GAD1: variants seen among roughly 807,000 people sequenced by gnomAD.
GAD1 encodes 67 kDa glutamic acid decarboxylase.
A neutral mutation model predicts 75.2 loss-of-function variants in GAD1; 35 were observed. The ratio of observed to expected loss-of-function variants is 0.47; its 90% CI spans 0.36 to 0.62. GAD1 has a LOEUF of 0.62. Among genes scored for constraint, GAD1 ranks in the 20% least tolerant of loss-of-function variants. The pLI, the probability that GAD1 is intolerant of heterozygous loss-of-function variation, is 0.00. For missense variants in GAD1, 490 were observed against 758.5 expected, an observed-to-expected ratio of 0.65 and a Z score of 4.16; for synonymous variants, 257 against 271.9, an observed-to-expected ratio of 0.95 and a Z score of 0.54.
At chr2:170,837,513 G>C (rs1702406367) in intron 6 of GAD1, among the ~76,000 whole-genome samples, 1 of 152,142 alleles carries the variant, frequency 6.6e-6, no homozygotes, top group Admixed American at 6.5e-5. Context: ...GTACTACCTG[G>C]GTAGTCTTAT....
At chr2:170,826,567 C>CAAAA (rs34462898) in intron 3 of GAD1, among the ~76,000 whole-genome samples, 5 of 110,840 alleles carry the variant, frequency 4.5e-5, no homozygotes, top group South Asian at 6.2e-4. Context: ...GACTCCGTCT[C>CAAAA]AAAAAAAAAA....
At chr2:170,814,505 A>G (rs1701662224), upstream of GAD1, among the ~76,000 whole-genome samples, 1 of 152,206 alleles carries the variant, frequency 6.6e-6, no homozygotes, top group Non-Finnish European at 1.5e-5. Flanking sequence ...AATCAAATTT[A>G]TGAAGTTTCT....
At chr2:170,828,373 G>T (rs1346484609) in intron 3 of GAD1, among the ~76,000 whole-genome samples, 2 of 117,276 alleles carry the variant, frequency 1.7e-5, no homozygotes, top group African/African-American at 6.9e-5. Context: ...CCTTCCCTCT[G>T]CTGTCCTCAC....
chr2:170,859,563 G>A (rs1460243176), intron 16 of GAD1, 146 bp from the exon 17 acceptor site: 1 of 815,098 alleles, frequency 1.2e-6, no homozygotes, highest in African/African-American at 1.7e-5. Context: ...TTTGATATTA[G>A]CCCCTGAAGA....
upstream of GAD1, among the ~76,000 whole-genome samples, chr2:170,814,971 G>A (rs1187570986): frequency 1.3e-5 from 2 of 152,166 alleles, no homozygotes; most frequent in South Asian, 2.1e-4. Context: ...GCGAGCGGGC[G>A]TCTATGCTGG....
upstream of GAD1, among the ~76,000 whole-genome samples, chr2:170,815,006 G>A (rs1426427850): frequency 6.6e-6 from 1 of 152,174 alleles, no homozygotes; most frequent in Non-Finnish European, 1.5e-5. Flanking sequence ...GGGGCACCGG[G>A]AGATGTGTTG....
At chr2:170,847,855 T>G (rs1387786850) in intron 11 of GAD1, 63 bp downstream of exon 11, 2 of 1,068,954 alleles carry the variant, frequency 1.9e-6, no homozygotes, top group Non-Finnish European at 2.9e-6. Flanking sequence ...TTTTATGACT[T>G]GCCTCAAGCT....
intron 4 of GAD1, among the ~76,000 whole-genome samples, chr2:170,830,487 G>A (rs928740567): frequency 3.3e-5 from 5 of 152,190 alleles, no homozygotes; most frequent in African/African-American, 4.8e-5. Context: ...GAAGGACACC[G>A]CCAAGGACCA....
At chr2:170,824,572 C>T (rs1701979651) in intron 3 of GAD1, among the ~76,000 whole-genome samples, 1 of 152,150 alleles carries the variant, frequency 6.6e-6, no homozygotes. Flanking sequence ...CTCTCAGAAG[C>T]ACCCTCAGTG....
intron 5 of GAD1, among the ~76,000 whole-genome samples, chr2:170,833,384 T>C (rs1702290983): frequency 6.6e-6 from 1 of 152,262 alleles, no homozygotes; most frequent in Admixed American, 6.5e-5. Context: ...TTATGTTGTT[T>C]GATTTTTAAA....
intron 14 of GAD1, among the ~76,000 whole-genome samples, chr2:170,855,122 A>C (rs1702824230): frequency 6.6e-6 from 1 of 151,576 alleles, no homozygotes; most frequent in Non-Finnish European, 1.5e-5. Flanking sequence ...AAACAACAAG[A>C]TTTTCTGGCA....
chr2:170,820,386 A>C (rs1701840403), intron 2 of GAD1, among the ~76,000 whole-genome samples: 1 of 152,230 alleles, frequency 6.6e-6, no homozygotes, highest in African/African-American at 2.4e-5. Flanking sequence ...GTAAAACAGC[A>C]AGCAGCACGT....
At chr2:170,852,505 G>T (rs529866166) in intron 12 of GAD1, 2 of 605,152 alleles carry the variant, frequency 3.3e-6, no homozygotes, top group East Asian at 2.8e-5. Context: ...GTTAGCTATT[G>T]TTAATAGCAG....
rs1271070745 is a variant in GAD1, at chr2:170,860,397, C to T, written c.*515C>T. On this transcript the variant is annotated 3_prime_UTR_variant, in exon 17 of 17. Coordinates refer to ENST00000358196, the MANE Select transcript of GAD1 (RefSeq NM_000817.3). ...CACCAAATGACAAGTCACACCCTCC[C>T]CATTAGTATCCTGTTAGGGGAAAAT... 6.2e-6 allele frequency: 1 copy of T among 161,976 alleles called. No individual in the cohort carries two copies. The allele number at this position is 161,976 out of a possible 1,614,324, so 10.0% of individuals were successfully genotyped here.
chr2:170,852,409 A>C, intron 12 of GAD1: 1 of 414,880 alleles, frequency 2.4e-6, no homozygotes, highest in Non-Finnish European at 4.5e-6. Context: ...GTTTGGCTCC[A>C]AAGCCTGAAT....
chr2:170,825,734 G>A lies in GAD1; in HGVS notation c.145+3585G>A, dbSNP rs139564852. 5.3e-5 allele frequency among the ~76,000 whole-genome samples: 8 copies of A among 152,298 alleles called. No homozygotes were observed. The East Asian group carries it at 5.8e-4, about 11-fold the overall frequency. ...GGAGTCATGATTTTTCTCCCCTTGC[G>A]GCTGGCCAGTGTGCTAGCACCCAAC... On this transcript the variant is annotated intron_variant, in intron 3 of 16. Transcript: ENST00000358196.
At chr2:170,832,889 CTCTG>C (rs1341299539) in intron 5 of GAD1, among the ~76,000 whole-genome samples, 1 of 152,194 alleles carries the variant, frequency 6.6e-6, no homozygotes, top group Non-Finnish European at 1.5e-5. Flanking sequence ...ACTTTGGGGC[CTCTG>C]TCTGAGATGC....
intron 3 of GAD1, among the ~76,000 whole-genome samples, chr2:170,826,620 C>T (rs958045789): frequency 1.0e-4 from 15 of 150,604 alleles, no homozygotes; most frequent in African/African-American, 2.9e-4. Context: ...GCCTCATGAG[C>T]GCATCTCTGG....
chr2:170,842,190 G>C (rs1023522959), intron 6 of GAD1, among the ~76,000 whole-genome samples: 9 of 152,156 alleles, frequency 5.9e-5, no homozygotes, highest in Non-Finnish European at 1.3e-4. Flanking sequence ...CATGGAGTGG[G>C]ACCTATGCCT....
Sources: gnomAD v4.1 joint callset for allele counts (sites outside exome capture counted in the v4.1 genomes callset) on GRCh38, gnomAD v4.1.1 for gene constraint, MANE v1.5 for transcripts, NCBI Gene and HGNC (gene_info 2026-07-23, HGNC 2026-07-21) for gene names.